Variants in MAN2C1 observed in about 807,000 individuals in gnomAD.
MAN2C1 encodes the protein alpha-mannosidase 2C1.
A neutral mutation model predicts 126.9 loss-of-function variants in MAN2C1; 111 were observed. The ratio of observed to expected loss-of-function variants is 0.87; its 90% CI spans 0.75 to 1.02. MAN2C1 has a LOEUF of 1.02. Ranked by LOEUF, MAN2C1 falls within the 50% of genes least tolerant of loss-of-function variation. MAN2C1 has a pLI of 0.00. For missense variants in MAN2C1, 1,363 were observed against 1,364.4 expected, an observed-to-expected ratio of 1.00 and a Z score of 0.02; for synonymous variants, 567 against 561.5, an observed-to-expected ratio of 1.01 and a Z score of -0.14.
chr15:75,358,870 G>T, intron 18 of MAN2C1, 62 bp from the exon 19 acceptor site: 1 of 1,426,448 alleles, frequency 7.0e-7, no homozygotes. Context: ...AGCTGCTCTT[G>T]GTGGGGTAGG....
chr15:75,364,696 A>G (rs1489047289), intron 4 of MAN2C1, 31 bp from the exon 5 acceptor site: 1 of 1,581,472 alleles, frequency 6.3e-7, no homozygotes, highest in East Asian at 2.3e-5. Flanking sequence ...CCTCAGGCTA[A>G]GGGACTGGCA....
In MAN2C1 at chr15:75,356,243, G is replaced by A; in HGVS notation, c.2887-24C>T. 6.2e-7 allele frequency: 1 copy of A among 1,612,328 alleles called. No homozygotes were observed. Among genetic ancestry groups the A allele is most frequent in the Non-Finnish European group, 8.5e-7 (1 of 1,179,434 alleles). ...GCCTGCAGAGGAACACGTCTGGTGGGAGGGGCCGAGGGCAGGCCCAGTTCG... is the reference window on the plus strand; with the variant it reads ...GCCTGCAGAGGAACACGTCTGGTGGAAGGGGCCGAGGGCAGGCCCAGTTCG... On this transcript the variant is annotated intron_variant, in intron 24 of 25. Transcript: ENST00000267978. This position sits in a 1 kb window ranked among gnomAD's most constrained non-coding sequence, Gnocchi z 5.8.
rs759711860 is a variant in MAN2C1 at position 75,359,044 on chromosome 15, A to G, written c.2141+15T>C. 1.2e-5 allele frequency: 20 copies of G among 1,613,290 alleles called. No homozygotes were observed. Among genetic ancestry groups the G allele is most frequent in the Admixed American group, 1.0e-4 (6 of 59,984 alleles). On this transcript the variant is annotated intron_variant, in intron 18 of 25. Coordinates refer to ENST00000267978, the MANE Select transcript of MAN2C1 (RefSeq NM_006715.4). Reference sequence around the variant, plus strand: ...ACTTGCCAGGCACTGGGAAAGGGCAATGAGGATTTGGCACCTGCCAGAGGC... The same window carrying G: ...ACTTGCCAGGCACTGGGAAAGGGCAGTGAGGATTTGGCACCTGCCAGAGGC...
chr15:75,358,873 G>T, intron 18 of MAN2C1, 65 bp from the exon 19 acceptor site: 1 of 1,431,890 alleles, frequency 7.0e-7, no homozygotes, highest in Non-Finnish European at 9.7e-7. Flanking sequence ...TGCTCTTGGT[G>T]GGGTAGGGTG....
intron 6 of MAN2C1, chr15:75,363,323 A>AAAGC (rs1008826533): frequency 3.3e-5 from 15 of 455,994 alleles, no homozygotes. Context: ...CGTAAAACTC[A>AAAGC]GACACTGCAA....
In MAN2C1 at chr15:75,359,653, C is replaced by T. The variant is rs2072425203; in HGVS notation, c.1915G>A (p.Ala639Thr). ...TGGGCCCCGCCCGGTTTGGGCAGGG[C>T]CATCACTTCGATCCGCTTCCAGGGC... Reference protein sequence around the residue: ...TLPWKRIEVMALPKPGGAHSL... With the variant: ...TLPWKRIEVMTLPKPGGAHSL... The change falls in exon 16 of 26, where the codon GCC (alanine) becomes ACC (threonine). Residue 639 changes from alanine (A) to threonine (T), a missense_variant. By Grantham distance (58) the Ala-to-Thr change is moderately conservative (BLOSUM62 0). Around this residue, in one of 3 missense-constraint regions of MAN2C1, gnomAD observed 668 missense variants for 650.1 expected, o/e 1.03. Coordinates refer to ENST00000267978, the MANE Select transcript of MAN2C1 (RefSeq NM_006715.4). 1.2e-6 allele frequency: 2 copies of T among 1,614,032 alleles called. No individual in the cohort carries two copies. Among genetic ancestry groups the T allele is most frequent in the Admixed American group, 3.3e-5 (2 of 60,006 alleles).
chr15:75,361,027 A>G lies in MAN2C1; in HGVS notation c.1460+19T>C. The stretch of plus-strand genomic sequence containing the variant: ...AGGGCCCAGGGTGGGGCTAAAGGAG[A>G]GCCAAGGCCTGGCCTGACCTGGGCA... On this transcript the variant is annotated intron_variant, in intron 12 of 25. Coordinates refer to ENST00000267978, the MANE Select transcript of MAN2C1 (RefSeq NM_006715.4). This position sits in a 1 kb window ranked among gnomAD's most constrained non-coding sequence, Gnocchi z 5.0. 6.2e-7 allele frequency: 1 copy of G among 1,600,694 alleles called. No individual in the cohort carries two copies. Among genetic ancestry groups the G allele is most frequent in the Non-Finnish European group, 8.5e-7 (1 of 1,174,268 alleles).
At chr15:75,364,799 A>C (rs1312744798) in intron 4 of MAN2C1, 134 bp from the exon 5 acceptor site, 10 of 693,178 alleles carry the variant, frequency 1.4e-5, no homozygotes, top group Non-Finnish European at 2.3e-5. Flanking sequence ...AGAGGATCCC[A>C]CAGTGTGACA....
chr15:75,367,803 G>T, intron 2 of MAN2C1, 169 bp from the exon 3 acceptor site: 1 of 942,552 alleles, frequency 1.1e-6, no homozygotes, highest in Non-Finnish European at 1.6e-6. Flanking sequence ...CAAGATGAGG[G>T]AAACAGGCAG....
At chr15:75,367,804 A>G in intron 2 of MAN2C1, 170 bp from the exon 3 acceptor site, 1 of 944,660 alleles carries the variant, frequency 1.1e-6, no homozygotes, top group East Asian at 2.6e-5. Context: ...AAGATGAGGG[A>G]AACAGGCAGA....
chr15:75,356,135 A>G lies in MAN2C1; in HGVS notation c.2971T>C (p.Ser991Pro). The change falls in exon 25 of 26, where the codon TCG becomes CCG. Residue 991 changes from serine (S) to proline (P), a missense_variant. Coordinates refer to ENST00000267978, the MANE Select transcript of MAN2C1 (RefSeq NM_006715.4). This position sits in a 1 kb window ranked among gnomAD's most constrained non-coding sequence, Gnocchi z 5.8. ...AGGATGGCCTCCTGAACCGGCAGCG[A>G]CAAGTGCAGCCAGCAGTCCACGTGG... ...GSHVDCWLHL[S>P]LPVQEAILCD... 6.2e-7 allele frequency: 1 copy of G among 1,613,702 alleles called. No individual in the cohort carries two copies. Among genetic ancestry groups the G allele is most frequent in the Non-Finnish European group, 8.5e-7 (1 of 1,179,994 alleles).
chr15:75,359,832 TATCCCA>T lies in MAN2C1; in HGVS notation c.1793-63_1793-58del, dbSNP rs2072430423. 5.0e-6 allele frequency: 8 copies of T among 1,611,490 alleles called. No individual in the cohort carries two copies. In the South Asian group the frequency reaches 6.6e-5, roughly 13 times the overall value. On this transcript the variant is annotated intron_variant, in intron 15 of 25. Transcript: ENST00000267978. ...AACAGGTCTGGAATGTGCCCATGGG[TATCCCA>T]CAGGGGACACTCTGGGCTCAGCCCT...
In MAN2C1 at chr15:75,368,496, T is replaced by TATA. The variant is rs2072638741; in HGVS notation, c.87_88insTAT (p.Cys29_Asn30insTyr). On this transcript the variant is annotated inframe_insertion, in exon 1 of 26. Transcript: ENST00000267978. ...CAGGGGCCACACCTGCCGCGGAGGT[T>TATA]ACAGTCGGTAAAGTAGAGCGGCGAC... 1.3e-6 allele frequency: 2 copies of TATA among 1,553,914 alleles called. No homozygotes were observed. Among genetic ancestry groups the TATA allele is most frequent in the African/African-American group, 2.7e-5 (2 of 73,380 alleles).
chr15:75,367,847 T>C, intron 2 of MAN2C1: 1 of 855,992 alleles, frequency 1.2e-6, no homozygotes, highest in Non-Finnish European at 1.8e-6. Flanking sequence ...TAGGGTGCCC[T>C]TCCTAAGGGA....
chr15:75,362,426 G>T lies in MAN2C1; in HGVS notation c.925C>A (p.Arg309Ser). Residue 309 changes from arginine to serine, a missense_variant, in exon 8 of 26, where the codon CGC (arginine) becomes AGC (serine). Physicochemically the swap from Arg to Ser is moderately radical, Grantham distance 110. Coordinates refer to ENST00000267978, the MANE Select transcript of MAN2C1 (RefSeq NM_006715.4). This position sits in a 1 kb window ranked among gnomAD's most constrained non-coding sequence, Gnocchi z 4.5. ...ATGCGGGAGTACAGGCCAGGGTAGC[G>T]GCTCTTCACCCATTCCAGCTGCTGC... ...QAQQLEWVKS[R>S]YPGLYSRIQE... 1 of 1,613,502 alleles carries T rather than the reference G, an allele frequency of 6.2e-7. No individual in the cohort carries two copies. Among genetic ancestry groups the T allele is most frequent in the Non-Finnish European group, 8.5e-7 (1 of 1,179,936 alleles).
chr15:75,365,784 A>C (rs1396979299), intron 4 of MAN2C1: 1 of 218,476 alleles, frequency 4.6e-6, no homozygotes, highest in African/African-American at 2.4e-5. Context: ...GGAAAGATAC[A>C]CCAAGAACAT....
chr15:75,356,165 C>A lies in MAN2C1; in HGVS notation c.2941G>T (p.Gly981Cys). The A allele has an allele frequency of 6.2e-7, 1 of 1,613,604 alleles. No individual in the cohort carries two copies. Among genetic ancestry groups the A allele is most frequent in the Non-Finnish European group, 8.5e-7 (1 of 1,179,978 alleles). The change falls in exon 25 of 26, where the codon GGC becomes TGC. Residue 981 changes from glycine (G) to cysteine (C), a missense_variant. Gly to Cys is a radical substitution (Grantham distance 159, BLOSUM62 -3). Around this residue, in one of 3 missense-constraint regions of MAN2C1, gnomAD observed 668 missense variants for 650.1 expected, o/e 1.03. Coordinates refer to ENST00000267978, the MANE Select transcript of MAN2C1 (RefSeq NM_006715.4). The surrounding 1 kb of genome is among the most constrained non-coding windows in gnomAD (Gnocchi z 5.8). ...SLVLRLYEAHGSHVDCWLHLS... is the reference protein window; with the variant it reads ...SLVLRLYEAHCSHVDCWLHLS... ...TGCAGCCAGCAGTCCACGTGGCTGC[C>A]GTGGGCCTCATACAGCCTCAGGACC...
Position 75,361,742 on chromosome 15 carries a change from G to A in MAN2C1, c.1102-22C>T, listed in dbSNP as rs774047784. ...AGAACTGTGGAGAAAGAGGATCCTG[G>A]AGTGCAGGAACCAGAGCTCCAGGCG... On this transcript the variant is annotated intron_variant, in intron 9 of 25. Transcript: ENST00000267978. The surrounding 1 kb of genome is among the most constrained non-coding windows in gnomAD (Gnocchi z 5.0). The A allele has an allele frequency of 6.2e-7, 1 of 1,604,734 alleles. No homozygotes were observed. The highest frequency in any genetic ancestry group is 8.5e-7 in the Non-Finnish European group (1 of 1,171,556).
At chr15:75,364,423 C>G in intron 5 of MAN2C1, 65 bp downstream of exon 5, 2 of 1,462,924 alleles carry the variant, frequency 1.4e-6, no homozygotes, top group Non-Finnish European at 1.8e-6. Context: ...TTATCTGACC[C>G]AAAGAACAAC....
Sources: allele counts gnomAD v4.1 joint callset, GRCh38; gene constraint gnomAD v4.1.1; regional missense constraint gnomAD v4.1.1; non-coding constraint Gnocchi (gnomAD v3.1); transcripts MANE v1.5; gene names NCBI Gene and HGNC (gene_info 2026-07-23, HGNC 2026-07-21).